The following CAMK1G variants were observed in gnomAD, a reference collection of about 807,000 sequenced individuals.
CAMK1G encodes the protein calcium/calmodulin dependent protein kinase IG.
A neutral mutation model predicts 54.8 loss-of-function variants in CAMK1G; 27 were observed. The observed-to-expected ratio is 0.49, with a 90% CI of 0.36 to 0.68. CAMK1G has a LOEUF of 0.68. Ranked by LOEUF, CAMK1G falls within the 30% of genes least tolerant of loss-of-function variation. The pLI, the probability that CAMK1G is intolerant of heterozygous loss-of-function variation, is 0.00. For synonymous variants in CAMK1G, 238 were observed against 224.9 expected, an observed-to-expected ratio of 1.06 and a Z score of -0.52; for missense variants, 512 against 591.0, an observed-to-expected ratio of 0.87 and a Z score of 1.39.
At chr1:209,584,575 T>G (rs893950062) in intron 1 of CAMK1G, among the ~76,000 whole-genome samples, 2 of 152,122 alleles carry the variant, frequency 1.3e-5, no homozygotes, top group African/African-American at 4.8e-5. Flanking sequence ...CCATGGCCCC[T>G]TCTCTCCACG....
intron 3 of CAMK1G, among the ~76,000 whole-genome samples, 168 bp from the exon 4 acceptor site, chr1:209,603,041 TTTCTC>T (rs1407291076): frequency 6.6e-6 from 1 of 152,232 alleles, no homozygotes; most frequent in Non-Finnish European, 1.5e-5. Flanking sequence ...ACAGGAATCT[TTTCTC>T]TGGGATTAAT....
At chr1:209,598,261 T>C (rs1348099451) in intron 2 of CAMK1G, among the ~76,000 whole-genome samples, 1 of 152,230 alleles carries the variant, frequency 6.6e-6, no homozygotes, top group Non-Finnish European at 1.5e-5. Flanking sequence ...AGGTTCTCTC[T>C]TTTGTCTTTG....
At chr1:209,606,572 T>C in intron 6 of CAMK1G, 129 bp downstream of exon 6, 1 of 1,040,850 alleles carries the variant, frequency 9.6e-7, no homozygotes, top group Non-Finnish European at 1.4e-6. Flanking sequence ...GGACATCCAC[T>C]TATAAAGTTT....
intron 4 of CAMK1G, among the ~76,000 whole-genome samples, chr1:209,604,457 A>G (rs1665598973): frequency 6.6e-6 from 1 of 151,874 alleles, no homozygotes; most frequent in South Asian, 2.1e-4. Flanking sequence ...GCTCTGTACA[A>G]AGAGTGTATT....
intron 6 of CAMK1G, among the ~76,000 whole-genome samples, chr1:209,607,155 T>A (rs1665670738): frequency 6.9e-6 from 1 of 144,812 alleles, no homozygotes; most frequent in Non-Finnish European, 1.5e-5. Flanking sequence ...AGAGAGGGAA[T>A]CTACCCTCCC....
chr1:209,611,542 G>C lies in CAMK1G; in HGVS notation c.905G>C (p.Ser302Thr). The C allele has an allele frequency of 6.2e-7, 1 of 1,613,960 alleles. No individual in the cohort carries two copies. ...SLQIQKNFAK[S>T]KWRQAFNAAA... ...CAGATCCAGAAGAACTTTGCTAAGA[G>C]CAAGTGGAGGGTAAGCTGTCCTCTC... is the stretch of plus-strand genomic sequence containing the variant. The change falls in exon 10 of 13, where the codon AGC (serine) becomes ACC (threonine). Residue 302 changes from serine to threonine, a missense_variant. By Grantham distance (58) the Ser-to-Thr change is moderately conservative. Coordinates refer to ENST00000361322, the MANE Select transcript of CAMK1G (RefSeq NM_020439.3).
intron 11 of CAMK1G, 85 bp from the exon 12 acceptor site, chr1:209,612,700 C>A: frequency 9.2e-7 from 1 of 1,090,732 alleles, no homozygotes. Context: ...ATGCCACAGG[C>A]ACAGAGAACT....
chr1:209,594,081 G>A (rs1665322025), intron 1 of CAMK1G, among the ~76,000 whole-genome samples: 1 of 152,078 alleles, frequency 6.6e-6, no homozygotes, highest in Non-Finnish European at 1.5e-5. Flanking sequence ...TTGCTTGGTT[G>A]GCTCCTTCCC....
intron 3 of CAMK1G, 147 bp downstream of exon 3, chr1:209,600,258 C>G: frequency 1.0e-6 from 1 of 968,076 alleles, no homozygotes. Context: ...AGTCAATTAG[C>G]TAAGTTTAGT....
intron 1 of CAMK1G, among the ~76,000 whole-genome samples, chr1:209,593,633 G>T (rs1017829145): frequency 3.3e-5 from 5 of 152,106 alleles, no homozygotes; most frequent in African/African-American, 1.2e-4. Flanking sequence ...CTCAGACTCC[G>T]TCTGCCCCAC....
At chr1:209,599,143 G>A (rs772721179) in intron 2 of CAMK1G, among the ~76,000 whole-genome samples, 18 of 152,236 alleles carry the variant, frequency 1.2e-4, no homozygotes, top group Non-Finnish European at 1.8e-4. Context: ...ATCAGATCCC[G>A]TGAGAACTCA....
At position 209,594,943 on chromosome 1, in the gene CAMK1G, C is replaced by G; in HGVS notation, c.-29-12C>G. 1 of 1,565,468 alleles carries G rather than the reference C, an allele frequency of 6.4e-7. No individual in the cohort carries two copies. The highest frequency in any genetic ancestry group is 1.1e-5 in the South Asian group (1 of 88,184). On this transcript the variant is annotated splice_polypyrimidine_tract_variant and intron_variant, in intron 1 of 12. Transcript: ENST00000361322. ...CTTTTTTCTCCTCCTTCTCCCACTC[C>G]CTGCAATAAAGCATCCTCAGAAGCT...
chr1:209,591,086 C>G (rs547658052), intron 1 of CAMK1G, among the ~76,000 whole-genome samples: 2 of 151,986 alleles, frequency 1.3e-5, no homozygotes, highest in Admixed American at 1.3e-4. Flanking sequence ...AGATATCCCC[C>G]GACTCTTATA....
At chr1:209,611,173 CACT>C (rs1665770742) in intron 9 of CAMK1G, among the ~76,000 whole-genome samples, 1 of 152,226 alleles carries the variant, frequency 6.6e-6, no homozygotes, top group Non-Finnish European at 1.5e-5. Flanking sequence ...TAATGGGCAC[CACT>C]GTGTCCCCAT....
At chr1:209,594,169 TTATCTC>T (rs1002172977) in intron 1 of CAMK1G, among the ~76,000 whole-genome samples, 5 of 152,160 alleles carry the variant, frequency 3.3e-5, no homozygotes, top group African/African-American at 9.7e-5. Context: ...CCCTCCCTGT[TTATCTC>T]TATGACAAAC....
chr1:209,593,348 C>A (rs112181465), intron 1 of CAMK1G, among the ~76,000 whole-genome samples: 2,458 of 152,288 alleles, frequency 0.016, 75 homozygotes, highest in Admixed American at 0.069. Context: ...AGAGGGGCAG[C>A]TATTAGGCAT....
intron 4 of CAMK1G, among the ~76,000 whole-genome samples, chr1:209,604,098 T>A (rs547025722): frequency 8.7e-4 from 132 of 152,246 alleles, no homozygotes; most frequent in Non-Finnish European, 1.6e-3. Context: ...CTCTGCAATC[T>A]CAGCGTGGCT....
intron 1 of CAMK1G, among the ~76,000 whole-genome samples, chr1:209,590,384 G>A (rs1157226094): frequency 6.6e-6 from 1 of 152,182 alleles, no homozygotes; most frequent in Admixed American, 6.5e-5. Context: ...AAAGCTATGG[G>A]GGTTTCAGAT....
At chr1:209,585,569 G>T (rs4556360) in intron 1 of CAMK1G, among the ~76,000 whole-genome samples, 96,089 of 152,126 alleles carry the variant, frequency 0.63, 30,521 homozygotes, top group Non-Finnish European at 0.66. Flanking sequence ...GAGGTTACCT[G>T]GAAAGGTGGC....
Sources: gnomAD v4.1 joint callset for allele counts (sites outside exome capture counted in the v4.1 genomes callset) on GRCh38, gnomAD v4.1.1 for gene constraint, MANE v1.5 for transcripts, NCBI Gene and HGNC (gene_info 2026-07-23, HGNC 2026-07-21) for gene names.